The following STXBP2 variants were observed in gnomAD, a reference collection of about 807,000 sequenced individuals.
The protein encoded by STXBP2 is syntaxin-binding protein 2.
STXBP2 carries 47 observed loss-of-function variants against 72.2 expected under a neutral mutation model. That is an observed-to-expected ratio of 0.65 (90% confidence interval 0.51 to 0.83). The LOEUF (loss-of-function observed/expected upper bound fraction) is 0.83. Among genes scored for constraint, STXBP2 ranks in the 40% least tolerant of loss-of-function variants. The pLI, the probability that STXBP2 is intolerant of heterozygous loss-of-function variation, is 0.00. For synonymous variants in STXBP2, 367 were observed against 338.7 expected (o/e 1.08, Z -0.92); for missense variants, 702 against 807.6 (o/e 0.87, Z 1.58).
chr19:7,633,321 T>C, upstream of STXBP2: 1 of 1,332,974 alleles, frequency 7.5e-7, no homozygotes, highest in South Asian at 1.3e-5. Context: ...ACTCACTCGT[T>C]AATTAGGTGC....
rs115239774 is a variant in STXBP2, at chr19:7,639,112, C to T, written c.169+12C>T. On this transcript the variant is annotated intron_variant, in intron 3 of 18. Coordinates refer to ENST00000221283, the MANE Select transcript of STXBP2 (RefSeq NM_006949.4). ...TGAGGGCATCACCAGTGAGTGAACGCGTCCCCAGTGAGATGGGACCTGAGC... is the reference window on the plus strand; with the variant it reads ...TGAGGGCATCACCAGTGAGTGAACGTGTCCCCAGTGAGATGGGACCTGAGC... The T allele has an allele frequency of 1.9e-3, 3,114 of 1,613,868 alleles. 44 individuals are homozygous for T. In the African/African-American group the frequency reaches 0.032, roughly 17 times the overall value.
the STXBP2 span, chr19:7,631,458 C>T: frequency 1.2e-5 from 19 of 1,533,140 alleles, no homozygotes; most frequent in Non-Finnish European, 1.5e-5. Context: ...GTCCCACCCG[C>T]TTCTCCACCC....
chr19:7,640,014 G>GTGTGCA (rs756846058), intron 4 of STXBP2: 1 of 685,486 alleles, frequency 1.5e-6, no homozygotes, highest in East Asian at 2.8e-5. Flanking sequence ...GTATGTGTCT[G>GTGTGCA]TGTGCATGTG....
chr19:7,629,821 CG>C, the STXBP2 span: 2 of 1,536,632 alleles, frequency 1.3e-6, no homozygotes, highest in South Asian at 1.2e-5. Context: ...CTTTGTTGAC[CG>C]GGAGAAACGA....
chr19:7,639,136 G>A, intron 3 of STXBP2, 36 bp downstream of exon 3: 2 of 1,607,606 alleles, frequency 1.2e-6, no homozygotes, highest in Non-Finnish European at 1.7e-6. Context: ...TGGGACCTGA[G>A]CGTGGGAACC....
chr19:7,639,572 G>A (rs576958636), intron 3 of STXBP2, 159 bp from the exon 4 acceptor site: 9 of 708,740 alleles, frequency 1.3e-5, no homozygotes, highest in South Asian at 4.6e-5. Flanking sequence ...GAACCCTGTC[G>A]TGTGGCTCTT....
intron 13 of STXBP2, among the ~76,000 whole-genome samples, chr19:7,644,013 C>T (rs113436650): frequency 1.4e-3 from 128 of 94,336 alleles, no homozygotes; most frequent in Admixed American, 1.6e-3. Context: ...AGGGGTGGAA[C>T]CTCGGAGAGG....
At chr19:7,637,240 G>T (rs1428777050) in intron 1 of STXBP2, 54 bp downstream of exon 1, 23 of 1,233,482 alleles carry the variant, frequency 1.9e-5, no homozygotes, top group Non-Finnish European at 2.0e-5. Context: ...CGGGGGTCGG[G>T]GACGCACGGG....
chr19:7,630,931 C>G, the STXBP2 span: 1 of 1,487,716 alleles, frequency 6.7e-7, no homozygotes, highest in Non-Finnish European at 9.1e-7. Flanking sequence ...AATTTTAGGC[C>G]AGGCGCAGTG....
At chr19:7,632,485 T>G (rs2031358847), upstream of STXBP2, 8 of 1,613,754 alleles carry the variant, frequency 5.0e-6, no homozygotes, top group East Asian at 1.6e-4. This position sits in a 1 kb window ranked among gnomAD's most constrained non-coding sequence, Gnocchi z 5.2. Context: ...AGCATGTCCA[T>G]GAGGCTGTCC....
chr19:7,647,693 A>G, intron 18 of STXBP2, 32 bp from the exon 19 acceptor site: 1 of 1,612,300 alleles, frequency 6.2e-7, no homozygotes, highest in East Asian at 2.2e-5. Flanking sequence ...AGCGCCCCCC[A>G]ACATCTTCCC....
upstream of STXBP2, chr19:7,636,985 G>C: frequency 1.4e-6 from 1 of 719,850 alleles, no homozygotes; most frequent in Non-Finnish European, 1.9e-6. Context: ...CTCCCCGCCA[G>C]GGACTCAACT....
chr19:7,641,917 C>G (rs1016014482), intron 7 of STXBP2, 64 bp downstream of exon 7: 5 of 1,576,134 alleles, frequency 3.2e-6, no homozygotes, highest in Middle Eastern at 1.7e-4. Flanking sequence ...AACACCTAAC[C>G]TTTAACCTCT....
At chr19:7,633,441 T>C, upstream of STXBP2, 2 of 1,576,228 alleles carry the variant, frequency 1.3e-6, no homozygotes, top group Non-Finnish European at 8.6e-7. Context: ...CTCCGTCTTC[T>C]CCTCCTGATC....
At position 7,646,253 on chromosome 19, in the gene STXBP2, C is replaced by T. The variant is rs755227395; in HGVS notation, c.1361C>T (p.Ser454Leu). Residue 454 changes from serine (S) to leucine (L), a missense_variant, in exon 16 of 19, where the codon TCG becomes TTG. Transcript: ENST00000221283. ...LGGTVTNPGG[S>L]GTSSRLEPRE... ...CCCTCCCTGCCCTGCCTGTAGGGCT[C>T]GGGGACCTCCAGCCGGCTGGAGCCG... The T allele has an allele frequency of 7.5e-6, 12 of 1,603,304 alleles. No homozygotes were observed. The highest frequency in any genetic ancestry group is 2.2e-5 in the South Asian group (2 of 89,042).
Position 7,645,230 on chromosome 19 carries a change from A to G in STXBP2, c.1280A>G (p.Gln427Arg). Residue 427 changes from glutamine to arginine, a missense_variant, in exon 15 of 19, where the codon CAG (glutamine) becomes CGG (arginine). By Grantham distance (43) the Gln-to-Arg change is conservative (BLOSUM62 1). Coordinates refer to ENST00000221283, the MANE Select transcript of STXBP2 (RefSeq NM_006949.4). ...GAGGAGAACCTGGCCAAGCTGATCC[A>G]GCATGCCAATGTACAGGCGCACAGC... ...VSEENLAKLI[Q>R]HANVQAHSSL... 6.4e-7 allele frequency: 1 copy of G among 1,574,654 alleles called. No individual in the cohort carries two copies. Among genetic ancestry groups the G allele is most frequent in the Non-Finnish European group, 8.6e-7 (1 of 1,158,878 alleles).
At chr19:7,644,401 G>T (rs2032045050) in intron 13 of STXBP2, 1 of 623,332 alleles carries the variant, frequency 1.6e-6, no homozygotes, top group African/African-American at 1.8e-5. Context: ...GTGTAGGTGG[G>T]TGGGGCACTG....
At chr19:7,630,721 G>C in the STXBP2 span, 1 of 1,531,904 alleles carries the variant, frequency 6.5e-7, no homozygotes. Flanking sequence ...TGGGGCAGCA[G>C]TCTGCTGGGG....
At chr19:7,632,789 G>A (rs1212349807), upstream of STXBP2, 2 of 1,563,778 alleles carry the variant, frequency 1.3e-6, no homozygotes, top group East Asian at 2.4e-5. This position sits in a 1 kb window ranked among gnomAD's most constrained non-coding sequence, Gnocchi z 5.2. Flanking sequence ...CCTGCACGTG[G>A]CTCAGCAGAT....
Sources: gnomAD v4.1 joint callset for allele counts (sites outside exome capture counted in the v4.1 genomes callset) on GRCh38, gnomAD v4.1.1 for gene constraint, Gnocchi (gnomAD v3.1) non-coding constraint, MANE v1.5 for transcripts, NCBI Gene and HGNC (gene_info 2026-07-23, HGNC 2026-07-21) for gene names.